ASXL1: variants seen among roughly 807,000 people sequenced by gnomAD.
The protein encoded by ASXL1 is ASXL transcriptional regulator 1.
In ASXL1, 65 loss-of-function variants were observed where a neutral mutation model predicts 89.1. The observed-to-expected ratio is 0.73, with a 90% CI of 0.60 to 0.90. The LOEUF (loss-of-function observed/expected upper bound fraction) is 0.90. Among genes scored for constraint, ASXL1 ranks in the 40% least tolerant of loss-of-function variants. ASXL1 has a pLI of 0.00. For synonymous variants in ASXL1, 739 were observed against 746.9 expected, an observed-to-expected ratio of 0.99 and a Z score of 0.17; for missense variants, 1,786 against 1,942.9, an observed-to-expected ratio of 0.92 and a Z score of 1.52.
chr20:32,401,513 G>GAACCATAT (rs2048870326), intron 4 of ASXL1, among the ~76,000 whole-genome samples: 1 of 147,388 alleles, frequency 6.8e-6, no homozygotes, highest in Non-Finnish European at 1.5e-5. Flanking sequence ...CTATAGTACT[G>GAACCATAT]AACCATATAT....
At chr20:32,423,787 G>A (rs189087383) in intron 4 of ASXL1, among the ~76,000 whole-genome samples, 1 of 152,264 alleles carries the variant, frequency 6.6e-6, no homozygotes, top group Admixed American at 6.5e-5. Flanking sequence ...GACCTCAAGT[G>A]ATCTGCCTGG....
Position 32,435,407 on chromosome 20 carries a change from A to T in ASXL1, c.2695A>T (p.Ile899Leu). The T allele has an allele frequency of 6.2e-7, 1 of 1,614,168 alleles. No individual in the cohort carries two copies. Among genetic ancestry groups the T allele is most frequent in the South Asian group, 1.1e-5 (1 of 91,082 alleles). The change falls in exon 13 of 13, where the codon ATA becomes TTA. Residue 899 changes from isoleucine to leucine, a missense_variant. By Grantham distance (5) the Ile-to-Leu change is conservative (BLOSUM62 2). Transcript: ENST00000375687. ...CGTTTCTAACAGTTCTTTGCATTGG[A>T]TACCCATCCCATCGAATGATGAGGT... The part of the protein sequence containing the change: ...ALVSNSSLHW[I>L]PIPSNDEVVK...
At position 32,429,808 on chromosome 20, in the gene ASXL1, G is replaced by A. The variant is rs2123220080; in HGVS notation, c.566-93G>A. ...TGGAAGCATCCCAGTATTGCTGGCA[G>A]CATCTCAGGGAGAGCTGGGAGAAAT... On this transcript the variant is annotated intron_variant, in intron 7 of 12. Coordinates refer to ENST00000375687, the MANE Select transcript of ASXL1 (RefSeq NM_015338.6). This position sits in a 1 kb window ranked among gnomAD's most constrained non-coding sequence, Gnocchi z 4.9. 1 of 1,500,412 alleles carries A rather than the reference G, an allele frequency of 6.7e-7. No homozygotes were observed. The highest frequency in any genetic ancestry group is 1.2e-5 in the South Asian group (1 of 83,472). The allele number at this position is 1,500,412 out of a possible 1,614,324, so 92.9% of individuals were successfully genotyped here.
chr20:32,428,588 C>T (rs1437677552), intron 6 of ASXL1, among the ~76,000 whole-genome samples, 166 bp downstream of exon 6: 1 of 148,334 alleles, frequency 6.7e-6, no homozygotes, highest in East Asian at 2.0e-4. Context: ...GAAAAGTGAA[C>T]AGTAGGTTTG....
At chr20:32,402,303 C>G (rs1036721794) in intron 4 of ASXL1, among the ~76,000 whole-genome samples, 9 of 152,328 alleles carry the variant, frequency 5.9e-5, no homozygotes, top group Admixed American at 5.9e-4. Context: ...TATCCTCCTG[C>G]CTCAGCCTCC....
chr20:32,429,779 G>A lies in ASXL1; in HGVS notation c.566-122G>A. ...GTGGTTTCTCTCAGCCTAAGGCTGG[G>A]AGATGGAAGCATCCCAGTATTGCTG... On this transcript the variant is annotated intron_variant, in intron 7 of 12. Transcript: ENST00000375687. This position sits in a 1 kb window ranked among gnomAD's most constrained non-coding sequence, Gnocchi z 4.9. 7.4e-7 allele frequency: 1 copy of A among 1,360,208 alleles called. No individual in the cohort carries two copies. Among genetic ancestry groups the A allele is most frequent in the Non-Finnish European group, 1.0e-6 (1 of 996,076 alleles). The allele number at this position is 1,360,208 out of a possible 1,614,324, so 84.3% of individuals were successfully genotyped here. A position where few individuals can be genotyped will look rare whatever the true frequency, so the allele number is the denominator to read the frequency against.
At chr20:32,362,209 A>G (rs1342438650) in intron 1 of ASXL1, among the ~76,000 whole-genome samples, 1 of 152,218 alleles carries the variant, frequency 6.6e-6, no homozygotes, top group Non-Finnish European at 1.5e-5. Flanking sequence ...AGAACACCTG[A>G]ACACTTCTCT....
Position 32,429,776 on chromosome 20 carries a change from TG to T in ASXL1, c.566-122del. 7.4e-7 allele frequency: 1 copy of T among 1,342,670 alleles called. No homozygotes were observed. The highest frequency in any genetic ancestry group is 1.0e-6 in the Non-Finnish European group (1 of 980,968). The allele number at this position is 1,342,670 out of a possible 1,614,324, so 83.2% of individuals were successfully genotyped here. A position where few individuals can be genotyped will look rare whatever the true frequency, so the allele number is the denominator to read the frequency against. On this transcript the variant is annotated intron_variant, in intron 7 of 12. Transcript: ENST00000375687. The surrounding 1 kb of genome is among the most constrained non-coding windows in gnomAD (Gnocchi z 4.9). ...GTGGTGGTTTCTCTCAGCCTAAGGC[TG>T]GGAGATGGAAGCATCCCAGTATTGC... is the stretch of plus-strand genomic sequence containing the variant.
chr20:32,431,201 C>G (rs756563434), intron 8 of ASXL1, 120 bp from the exon 9 acceptor site: 1 of 1,178,546 alleles, frequency 8.5e-7, no homozygotes, highest in Non-Finnish European at 1.2e-6. Context: ...GACAATTGAG[C>G]AGATTGTGTG....
intron 4 of ASXL1, among the ~76,000 whole-genome samples, chr20:32,377,132 T>C (rs1385281288): frequency 7.2e-6 from 1 of 138,016 alleles, no homozygotes; most frequent in African/African-American, 2.7e-5. Context: ...ATTAATATAA[T>C]ATATATTATA....
intron 4 of ASXL1, among the ~76,000 whole-genome samples, chr20:32,411,986 A>T (rs1250165351): frequency 6.6e-6 from 1 of 151,926 alleles, no homozygotes; most frequent in Non-Finnish European, 1.5e-5. Flanking sequence ...ACACTTCTTT[A>T]CTTACCTGCT....
intron 4 of ASXL1, among the ~76,000 whole-genome samples, chr20:32,370,965 TAAAAAAAAAA>T (rs776902032): frequency 3.4e-5 from 3 of 87,378 alleles, no homozygotes; most frequent in African/African-American, 8.6e-5. Flanking sequence ...TTGTCTCTAT[TAAAAAAAAAA>T]AAAAAAAAAA....
intron 4 of ASXL1, among the ~76,000 whole-genome samples, chr20:32,375,599 CTAAAATCCT>C (rs1284254962): frequency 3.3e-5 from 5 of 152,070 alleles, no homozygotes; most frequent in African/African-American, 4.8e-5. Flanking sequence ...TCTTTGTGGC[CTAAAATCCT>C]GTATCCAATC....
intron 4 of ASXL1, among the ~76,000 whole-genome samples, chr20:32,382,425 G>A (rs866172720): frequency 3.9e-4 from 59 of 151,956 alleles, no homozygotes; most frequent in African/African-American, 1.3e-3. Context: ...AACATTCTAG[G>A]TGGTTTTTAG....
chr20:32,364,633 G>A (rs1251554686), intron 1 of ASXL1, among the ~76,000 whole-genome samples: 2 of 152,206 alleles, frequency 1.3e-5, no homozygotes, highest in Non-Finnish European at 2.9e-5. Context: ...GCTCCTGAGC[G>A]CAGCAAGTGA....
chr20:32,411,280 T>G (rs1189439100), intron 4 of ASXL1, among the ~76,000 whole-genome samples: 1 of 133,366 alleles, frequency 7.5e-6, no homozygotes, highest in Admixed American at 9.0e-5. Context: ...CAGGCTGGAA[T>G]GTAGTGGCAC....
At chr20:32,432,788 C>G in intron 10 of ASXL1, 92 bp from the exon 11 acceptor site, 1 of 1,446,950 alleles carries the variant, frequency 6.9e-7, no homozygotes, top group Non-Finnish European at 9.5e-7. Flanking sequence ...TTAGAAGAGA[C>G]GTGTTGTTTT....
intron 4 of ASXL1, among the ~76,000 whole-genome samples, chr20:32,421,749 A>C (rs1010581073): frequency 3.9e-5 from 6 of 152,318 alleles, no homozygotes; most frequent in African/African-American, 1.4e-4. Flanking sequence ...CCAGATACAA[A>C]AGAATATATA....
At chr20:32,368,969 G>T in intron 3 of ASXL1, 46 bp from the exon 4 acceptor site, 1 of 1,497,322 alleles carries the variant, frequency 6.7e-7, no homozygotes, top group Non-Finnish European at 9.3e-7. Context: ...CTTTAAGTAG[G>T]CAGATGGATT....
Sources: gnomAD v4.1 joint callset for allele counts (sites outside exome capture counted in the v4.1 genomes callset) on GRCh38, gnomAD v4.1.1 for gene constraint, Gnocchi (gnomAD v3.1) non-coding constraint, MANE v1.5 for transcripts, NCBI Gene and HGNC (gene_info 2026-07-23, HGNC 2026-07-21) for gene names.